Variants in SPRED2 observed in about 807,000 individuals in gnomAD.
SPRED2 encodes the protein sprouty related EVH1 domain containing 2.
Under a neutral mutation model 43.0 loss-of-function variants are expected in SPRED2, and 47 were observed. The ratio of observed to expected loss-of-function variants is 1.09; its 90% CI spans 0.87 to 1.40. The LOEUF is 1.40. SPRED2 is among the 40% of genes most tolerant of loss of function. SPRED2 has a pLI of 0.00. For missense variants in SPRED2, 561 were observed against 586.4 expected (o/e 0.96, Z 0.45); for synonymous variants, 225 against 225.7 (o/e 1.00, Z 0.03).
At position 65,344,807 on chromosome 2, in the gene SPRED2, C is replaced by A; in HGVS notation, c.116G>T (p.Ser39Ile). 6.2e-7 allele frequency: 1 copy of A among 1,614,226 alleles called. No homozygotes were observed. The highest frequency in any genetic ancestry group is 8.5e-7 in the Non-Finnish European group (1 of 1,180,040). ...GWFPQEGGGI[S>I]RVGVCKVMHP... is the part of the protein sequence containing the mutation. ...CATGACCTTACAGACCCCGACGCGACTGATCCCGCCTCCTTCCTGTGGGAA... is the reference window on the plus strand; with the variant it reads ...CATGACCTTACAGACCCCGACGCGAATGATCCCGCCTCCTTCCTGTGGGAA... Residue 39 changes from serine (S) to isoleucine (I), a missense_variant, in exon 2 of 6, where the codon AGT becomes ATT. Physicochemically the swap from Ser to Ile is moderately radical, Grantham distance 142. Around this residue, in one of 6 missense-constraint regions of SPRED2, gnomAD observed 305 missense variants for 282.4 expected, o/e 1.08. Transcript: ENST00000356388.
chr2:65,353,938 C>T (rs7570230), intron 1 of SPRED2, among the ~76,000 whole-genome samples: 10,780 of 152,142 alleles, frequency 0.071, 482 homozygotes, highest in Middle Eastern at 0.15. Context: ...GCCCAGCTGT[C>T]CTTAGTCAAG....
In SPRED2 at chr2:65,366,765, G is replaced by C. The variant is rs934031951; in HGVS notation, c.27-21869C>G. ...ATTCAGTCTCCTTGACAAATATACT[G>C]CATTGTACCGGATGAGTCATCCGAG... On this transcript the variant is annotated intron_variant, in intron 1 of 5. Transcript: ENST00000356388. 3.5e-6 allele frequency: 5 copies of C among 1,419,806 alleles called. No homozygotes were observed. The African/African-American group carries it at 4.4e-5, about 12-fold the overall frequency. 88.0% of individuals were successfully genotyped at this position (1,419,806 alleles called of 1,614,324 possible).
At chr2:65,328,900 G>A (rs921176233) in intron 4 of SPRED2, among the ~76,000 whole-genome samples, 1 of 152,226 alleles carries the variant, frequency 6.6e-6, no homozygotes, top group Non-Finnish European at 1.5e-5. Flanking sequence ...AAAGGAAGAT[G>A]TTGTATTCTG....
rs982949700 is a variant in SPRED2 at position 65,313,710 on chromosome 2, G to A, written c.1048C>T (p.Leu350Phe). ...TCGGGGTCCGACATACAGTGATAGA[G>A]CATGCTGTCCGCGCACCACATGCAG... is the stretch of plus-strand genomic sequence containing the variant. Reference protein sequence around the residue: ...VSCMWCADSMLYHCMSDPEGD... With the variant: ...VSCMWCADSMFYHCMSDPEGD... Residue 350 changes from leucine (L) to phenylalanine (F), a missense_variant, in exon 6 of 6, where the codon CTC becomes TTC. By Grantham distance (22) the Leu-to-Phe change is conservative. Around this residue, in one of 6 missense-constraint regions of SPRED2, gnomAD observed 2 missense variants for 18.3 expected, o/e 0.11. Coordinates refer to ENST00000356388, the MANE Select transcript of SPRED2 (RefSeq NM_181784.3). The A allele has an allele frequency of 6.2e-6, 10 of 1,614,080 alleles. No individual in the cohort carries two copies. The highest frequency in any genetic ancestry group is 1.1e-5 in the South Asian group (1 of 91,082).
downstream of SPRED2, chr2:65,308,254 G>T (rs1672981828): frequency 2.1e-6 from 2 of 960,548 alleles, no homozygotes; most frequent in African/African-American, 1.8e-5. Flanking sequence ...CTGACCCAGG[G>T]CAAGTGCCAC....
intron 4 of SPRED2, among the ~76,000 whole-genome samples, chr2:65,327,133 G>A (rs571452939): frequency 6.6e-6 from 1 of 152,296 alleles, no homozygotes; most frequent in South Asian, 2.1e-4. Context: ...TGGGATTACA[G>A]TTGTGAGCCA....
At chr2:65,404,606 C>G (rs1675980432) in intron 1 of SPRED2, among the ~76,000 whole-genome samples, 1 of 152,188 alleles carries the variant, frequency 6.6e-6, no homozygotes. Flanking sequence ...GCACTGAAGA[C>G]AGCAATGAGT....
At chr2:65,366,755 C>A in intron 1 of SPRED2, 3 of 1,465,326 alleles carry the variant, frequency 2.0e-6, no homozygotes, top group South Asian at 1.4e-5. Flanking sequence ...GTCTCCTTGA[C>A]AAATATACTG....
Position 65,389,055 on chromosome 2 carries a change from C to T in SPRED2, c.26+42907G>A, listed in dbSNP as rs114923031. On this transcript the variant is annotated intron_variant, in intron 1 of 5. Transcript: ENST00000356388. ...CAGGGCTGCAGGACTCCTGCCTGTC[C>T]CTATGCTCTGGCCTCTGAGACCCCA... Among the ~76,000 whole-genome samples the T allele has an allele frequency of 6.3e-3, 952 of 152,210 alleles. 5 individuals are homozygous for T. The highest frequency in any genetic ancestry group is 9.6e-3 in the Non-Finnish European group (651 of 67,988).
At chr2:65,408,636 C>T (rs559520042) in intron 1 of SPRED2, among the ~76,000 whole-genome samples, 1 of 151,664 alleles carries the variant, frequency 6.6e-6, no homozygotes, top group South Asian at 2.1e-4. Context: ...GTCACCTAGG[C>T]TGGAGTGCAG....
At chr2:65,390,588 G>A (rs766900347) in intron 1 of SPRED2, among the ~76,000 whole-genome samples, 2 of 152,188 alleles carry the variant, frequency 1.3e-5, no homozygotes, top group Non-Finnish European at 2.9e-5. Context: ...GTGTGGCTAT[G>A]GGTGAATTAC....
At chr2:65,352,394 A>G (rs539724094) in intron 1 of SPRED2, among the ~76,000 whole-genome samples, 1 of 152,368 alleles carries the variant, frequency 6.6e-6, no homozygotes, top group Non-Finnish European at 1.5e-5. Context: ...TCAGCCAACA[A>G]ATACACTCAA....
At chr2:65,430,629 G>C (rs1309520639) in intron 1 of SPRED2, among the ~76,000 whole-genome samples, 1 of 152,116 alleles carries the variant, frequency 6.6e-6, no homozygotes, top group Non-Finnish European at 1.5e-5. Context: ...AAAGACCTGG[G>C]GCCTCCGGAG....
chr2:65,380,246 G>A, intron 1 of SPRED2, among the ~76,000 whole-genome samples: 1 of 152,168 alleles, frequency 6.6e-6, no homozygotes, highest in East Asian at 1.9e-4. Flanking sequence ...CCAAAGACAA[G>A]GTCGACTCAG....
At chr2:65,316,313 G>C (rs1475678960) in intron 5 of SPRED2, among the ~76,000 whole-genome samples, 2 of 152,240 alleles carry the variant, frequency 1.3e-5, no homozygotes, top group Non-Finnish European at 2.9e-5. Context: ...CCTGATTGTG[G>C]CTCTGGGCTT....
At chr2:65,340,143 G>A (rs1293003982) in intron 2 of SPRED2, among the ~76,000 whole-genome samples, 1 of 152,116 alleles carries the variant, frequency 6.6e-6, no homozygotes, top group South Asian at 2.1e-4. Flanking sequence ...TTAATTAAAA[G>A]TTTTAAATTT....
At chr2:65,414,549 GA>G (rs1217822133) in intron 1 of SPRED2, among the ~76,000 whole-genome samples, 1 of 152,210 alleles carries the variant, frequency 6.6e-6, no homozygotes, top group East Asian at 1.9e-4. Context: ...GAATGTCTGG[GA>G]AGGGGCCATC....
At chr2:65,346,851 G>A (rs1344835144) in intron 1 of SPRED2, among the ~76,000 whole-genome samples, 1 of 152,066 alleles carries the variant, frequency 6.6e-6, no homozygotes, top group Non-Finnish European at 1.5e-5. Flanking sequence ...GAAGACTTCA[G>A]CAACCAGGCT....
chr2:65,423,596 T>G (rs1676486842), intron 1 of SPRED2, among the ~76,000 whole-genome samples: 2 of 152,200 alleles, frequency 1.3e-5, no homozygotes, highest in Non-Finnish European at 1.5e-5. Context: ...AGGTACAAAG[T>G]GAAAATCTTG....
Sources: allele counts gnomAD v4.1 joint callset (sites outside exome capture counted in the v4.1 genomes callset), GRCh38; gene constraint gnomAD v4.1.1; regional missense constraint gnomAD v4.1.1; transcripts MANE v1.5; gene names NCBI Gene and HGNC (gene_info 2026-07-23, HGNC 2026-07-21).